The following RNF111 variants were observed in gnomAD, a reference collection of about 807,000 sequenced individuals.
The protein encoded by RNF111 is ring finger protein 111.
A neutral mutation model predicts 95.1 loss-of-function variants in RNF111; 17 were observed. The observed-to-expected ratio is 0.18, with a 90% CI of 0.12 to 0.27. The LOEUF is 0.27. Ranked by LOEUF, RNF111 falls within the 10% of genes least tolerant of loss-of-function variation. The probability of loss-of-function intolerance (pLI) is 1.00; values close to 1 mark genes in which losing one functional copy is unlikely to be tolerated. For synonymous variants in RNF111, 440 were observed against 414.8 expected, an observed-to-expected ratio of 1.06 and a Z score of -0.74; for missense variants, 1,189 against 1,210.4, an observed-to-expected ratio of 0.98 and a Z score of 0.26.
chr15:59,050,042 C>T (rs551707468), intron 2 of RNF111, among the ~76,000 whole-genome samples: 1 of 150,804 alleles, frequency 6.6e-6, no homozygotes, highest in Non-Finnish European at 1.5e-5. Context: ...GCCCGGCCCA[C>T]AGTAGCCATT....
chr15:59,024,177 GTTA>G (rs2040486505), intron 1 of RNF111, among the ~76,000 whole-genome samples: 1 of 152,090 alleles, frequency 6.6e-6, no homozygotes, highest in Non-Finnish European at 1.5e-5. Flanking sequence ...TCCTAATTTT[GTTA>G]TTATTATTCT....
chr15:59,076,318 A>G (rs559204408), intron 7 of RNF111, 103 bp downstream of exon 7: 19 of 1,338,734 alleles, frequency 1.4e-5, no homozygotes, highest in African/African-American at 2.9e-5. Flanking sequence ...AATTTTTAGT[A>G]TTTACTTGGC....
chr15:59,004,225 TA>T, intron 1 of RNF111: 1 of 640,490 alleles, frequency 1.6e-6, no homozygotes, highest in South Asian at 2.6e-5. Context: ...CAATTTAAAA[TA>T]CTCCTTCTTT....
intron 8 of RNF111, among the ~76,000 whole-genome samples, chr15:59,083,273 C>T (rs1211497411): frequency 6.6e-6 from 1 of 152,054 alleles, no homozygotes; most frequent in Non-Finnish European, 1.5e-5. Context: ...GGAGGTTGGG[C>T]ACATTGGCTC....
chr15:59,071,314 A>AC (rs1389801364), intron 6 of RNF111, among the ~76,000 whole-genome samples: 2 of 150,902 alleles, frequency 1.3e-5, no homozygotes, highest in African/African-American at 4.9e-5. Context: ...AAAAAAAAAA[A>AC]AAAGAATACG....
chr15:58,995,971 G>A (rs2039053842), intron 1 of RNF111, among the ~76,000 whole-genome samples: 1 of 151,704 alleles, frequency 6.6e-6, no homozygotes, highest in Non-Finnish European at 1.5e-5. Flanking sequence ...GACATCGCTA[G>A]GAAACTAAAT....
chr15:59,004,577 C>T (rs2039457065), intron 1 of RNF111, among the ~76,000 whole-genome samples: 1 of 152,146 alleles, frequency 6.6e-6, no homozygotes, highest in Admixed American at 6.5e-5. Flanking sequence ...TTTCCCCAAA[C>T]CAGTATTCTA....
chr15:59,076,080 C>G lies in RNF111; in HGVS notation c.1813C>G (p.Gln605Glu), dbSNP rs1055168382. Residue 605 changes from glutamine (Q) to glutamate (E), a missense_variant, in exon 7 of 14, where the codon CAG becomes GAG. Coordinates refer to ENST00000348370, the MANE Select transcript of RNF111 (RefSeq NM_017610.8). ...CTCCCGAGCTGCAATCTTTGGCCAT[C>G]AGGCCGCTGCTGCTGCCCCAAGTCA... ...SSSRAAIFGH[Q>E]AAAAAPSQPL... 1 of 1,614,240 alleles carries G rather than the reference C, an allele frequency of 6.2e-7. No homozygotes were observed. The highest frequency in any genetic ancestry group is 8.5e-7 in the Non-Finnish European group (1 of 1,180,050).
At chr15:58,997,691 C>A (rs113711750) in intron 1 of RNF111, among the ~76,000 whole-genome samples, 1 of 151,132 alleles carries the variant, frequency 6.6e-6, no homozygotes, top group African/African-American at 2.4e-5. Flanking sequence ...TGGCATATGT[C>A]TGTAATCCCA....
At chr15:59,056,764 A>G (rs1566917440) in intron 4 of RNF111, among the ~76,000 whole-genome samples, 2 of 152,314 alleles carry the variant, frequency 1.3e-5, no homozygotes, top group South Asian at 4.1e-4. Context: ...ACTGTAAATG[A>G]TCTGTAAGAC....
At chr15:59,081,942 C>A (rs1327133398) in intron 8 of RNF111, among the ~76,000 whole-genome samples, 1 of 152,136 alleles carries the variant, frequency 6.6e-6, no homozygotes. Context: ...AAAGGATCGT[C>A]TGAGCCCAGG....
At chr15:59,065,191 G>T (rs536074870) in intron 5 of RNF111, among the ~76,000 whole-genome samples, 1 of 152,228 alleles carries the variant, frequency 6.6e-6, no homozygotes, top group Admixed American at 6.5e-5. Context: ...AAGGATGGCA[G>T]CAGGGCGGGG....
At chr15:59,003,617 G>T (rs1471791356) in intron 1 of RNF111, among the ~76,000 whole-genome samples, 1 of 152,146 alleles carries the variant, frequency 6.6e-6, no homozygotes, top group Non-Finnish European at 1.5e-5. Flanking sequence ...GCCCAGGCTG[G>T]TCTTGAACTC....
At chr15:59,010,324 C>G (rs2039739255) in intron 1 of RNF111, among the ~76,000 whole-genome samples, 1 of 152,082 alleles carries the variant, frequency 6.6e-6, no homozygotes, top group Admixed American at 6.6e-5. Flanking sequence ...TTGAGAAGAG[C>G]AAATTTCATA....
chr15:59,093,646 A>G (rs796781673), intron 13 of RNF111, among the ~76,000 whole-genome samples: 79 of 152,104 alleles, frequency 5.2e-4, no homozygotes, highest in African/African-American at 1.8e-3. Context: ...TCTTTGTATA[A>G]TCACTTAAGT....
intron 13 of RNF111, chr15:59,093,369 T>C: frequency 2.4e-6 from 1 of 422,568 alleles, no homozygotes; most frequent in South Asian, 1.7e-5. Context: ...TTTCCTTTTC[T>C]GGGAGATGGT....
chr15:59,084,547 A>G (rs990323367), intron 9 of RNF111, among the ~76,000 whole-genome samples: 16 of 152,242 alleles, frequency 1.1e-4, no homozygotes, highest in African/African-American at 3.1e-4. Context: ...CAATACATAC[A>G]TACATTGTGA....
chr15:59,083,777 G>T (rs1333652348), intron 8 of RNF111, among the ~76,000 whole-genome samples: 1 of 151,868 alleles, frequency 6.6e-6, no homozygotes, highest in Non-Finnish European at 1.5e-5. Flanking sequence ...TTTGCCTGGG[G>T]TATTTAATTT....
rs1460909105 is a variant in RNF111, at chr15:59,095,343, A to T, written c.*443A>T. 6.0e-6 allele frequency: 1 copy of T among 167,738 alleles called. No individual in the cohort carries two copies. Among genetic ancestry groups the T allele is most frequent in the African/African-American group, 2.4e-5 (1 of 41,536 alleles). The allele number at this position is 167,738 out of a possible 1,614,324, so 10.4% of individuals were successfully genotyped here. On this transcript the variant is annotated 3_prime_UTR_variant, in exon 14 of 14. Coordinates refer to ENST00000348370, the MANE Select transcript of RNF111 (RefSeq NM_017610.8). ...ATGTACTTTAGTTTAATGTATAAAG[A>T]TCCTCTAGAAAATGATAATATTGTG... is the stretch of plus-strand genomic sequence containing the variant.
Sources: allele counts gnomAD v4.1 joint callset (sites outside exome capture counted in the v4.1 genomes callset), GRCh38; gene constraint gnomAD v4.1.1; transcripts MANE v1.5; gene names NCBI Gene and HGNC (gene_info 2026-07-23, HGNC 2026-07-21).